CNTN3: variants seen among roughly 807,000 people sequenced by gnomAD.
CNTN3 encodes the protein contactin-3.
A neutral mutation model predicts 119.1 loss-of-function variants in CNTN3; 60 were observed. The observed-to-expected ratio is 0.50, with a 90% CI of 0.41 to 0.62. The LOEUF (loss-of-function observed/expected upper bound fraction) is 0.62, where lower values mean the gene tolerates loss of function less well. Ranked by LOEUF, CNTN3 falls within the 20% of genes least tolerant of loss-of-function variation. CNTN3 has a pLI of 0.00. For synonymous variants in CNTN3, 450 were observed against 438.7 expected (o/e 1.03, Z -0.32); for missense variants, 1,101 against 1,242.4 (o/e 0.89, Z 1.71).
chr3:74,366,853 C>A (rs941754051), intron 8 of CNTN3, among the ~76,000 whole-genome samples: 6 of 134,382 alleles, frequency 4.5e-5, no homozygotes, highest in African/African-American at 1.4e-4. Flanking sequence ...TCACTTCTCT[C>A]TATATTAAAA....
intron 4 of CNTN3, among the ~76,000 whole-genome samples, chr3:74,455,519 C>G (rs531396091): frequency 1.3e-5 from 2 of 152,230 alleles, no homozygotes; most frequent in Non-Finnish European, 1.5e-5. Flanking sequence ...CATTCTCCGT[C>G]CAGCTTTGTT....
chr3:74,509,627 G>A (rs1045765692), intron 2 of CNTN3, among the ~76,000 whole-genome samples: 3 of 152,070 alleles, frequency 2.0e-5, no homozygotes, highest in African/African-American at 7.2e-5. Flanking sequence ...CCTTAATAAT[G>A]GCACAGATTA....
chr3:74,402,872 G>C (rs540650873), intron 5 of CNTN3, among the ~76,000 whole-genome samples: 61 of 152,270 alleles, frequency 4.0e-4, no homozygotes, highest in Middle Eastern at 3.4e-3. Flanking sequence ...GCAAAGATTC[G>C]AGAGTGTACT....
intron 5 of CNTN3, among the ~76,000 whole-genome samples, chr3:74,392,325 C>T (rs1478156666): frequency 1.3e-5 from 2 of 152,124 alleles, no homozygotes; most frequent in Non-Finnish European, 2.9e-5. Flanking sequence ...TCCTCCCTCC[C>T]TTTCCTGTTT....
At chr3:74,487,012 C>G (rs1010959498) in intron 3 of CNTN3, among the ~76,000 whole-genome samples, 2 of 152,140 alleles carry the variant, frequency 1.3e-5, no homozygotes, top group African/African-American at 4.8e-5. Flanking sequence ...GAAAACAGCA[C>G]ATTTCTTTGA....
At chr3:74,446,354 G>C (rs1342886235) in intron 4 of CNTN3, among the ~76,000 whole-genome samples, 1 of 152,176 alleles carries the variant, frequency 6.6e-6, no homozygotes, top group African/African-American at 2.4e-5. Context: ...TATGCAGATA[G>C]GCAAGTCTTT....
intron 2 of CNTN3, among the ~76,000 whole-genome samples, chr3:74,514,798 G>C (rs1466620609): frequency 6.6e-6 from 1 of 152,054 alleles, no homozygotes; most frequent in African/African-American, 2.4e-5. Flanking sequence ...AGTATTGGTT[G>C]ATATTCAAAG....
At position 74,264,269 on chromosome 3, in the gene CNTN3, C is replaced by A. The variant is rs940544415; in HGVS notation, c.*132G>T. On this transcript the variant is annotated 3_prime_UTR_variant, in exon 23 of 23. Transcript: ENST00000263665. The stretch of plus-strand genomic sequence containing the variant: ...GATTTACTGTTTTTTTAATTATATT[C>A]ATATTTACCTATAATGAAGTAGAAA... The A allele has an allele frequency of 1.6e-5, 7 of 438,078 alleles. No homozygotes were observed. In the East Asian group the frequency reaches 2.5e-4, roughly 15 times the overall value. 27.1% of individuals were successfully genotyped at this position (438,078 alleles called of 1,614,324 possible). A position where few individuals can be genotyped will look rare whatever the true frequency, so the allele number is the denominator to read the frequency against.
chr3:74,488,087 T>C (rs1289807666), intron 3 of CNTN3, among the ~76,000 whole-genome samples: 1 of 151,138 alleles, frequency 6.6e-6, no homozygotes, highest in Non-Finnish European at 1.5e-5. Context: ...TAAGTGTATT[T>C]TAAAAGGTAT....
intron 1 of CNTN3, among the ~76,000 whole-genome samples, chr3:74,567,347 A>AG (rs1194998942): frequency 1.6e-5 from 1 of 61,818 alleles, no homozygotes; most frequent in Non-Finnish European, 3.2e-5. Context: ...TTTTGTAGAG[A>AG]GGGGGTCTTA....
At chr3:74,413,792 C>A (rs564889928) in intron 5 of CNTN3, among the ~76,000 whole-genome samples, 31 of 152,232 alleles carry the variant, frequency 2.0e-4, no homozygotes, top group African/African-American at 7.0e-4. Context: ...CAAAGTCCAA[C>A]TTGCTCAATT....
chr3:74,268,786 C>T (rs1210200544), intron 20 of CNTN3, among the ~76,000 whole-genome samples: 1 of 151,982 alleles, frequency 6.6e-6, no homozygotes, highest in African/African-American at 2.4e-5. Context: ...CCAGTGATAC[C>T]CTGTGGCCTG....
At chr3:74,528,246 T>C (rs1465161932) in intron 1 of CNTN3, among the ~76,000 whole-genome samples, 1 of 151,840 alleles carries the variant, frequency 6.6e-6, no homozygotes, top group East Asian at 1.9e-4. Context: ...AATGTACCTT[T>C]CCTAAGTCTA....
intron 4 of CNTN3, among the ~76,000 whole-genome samples, chr3:74,481,152 C>T (rs1702756908): frequency 6.6e-6 from 1 of 151,340 alleles, no homozygotes; most frequent in Admixed American, 6.6e-5. Context: ...AATAGAAATA[C>T]CAGGAGAAAC....
intron 4 of CNTN3, among the ~76,000 whole-genome samples, chr3:74,437,474 A>AT (rs1701888219): frequency 6.6e-6 from 1 of 152,104 alleles, no homozygotes; most frequent in Non-Finnish European, 1.5e-5. Context: ...AAAAATAAAA[A>AT]TAAAAAAAAA....
chr3:74,520,604 TA>T (rs577450677), intron 2 of CNTN3, among the ~76,000 whole-genome samples: 1 of 151,418 alleles, frequency 6.6e-6, no homozygotes, highest in Non-Finnish European at 1.5e-5. Context: ...TTTCCAAAAT[TA>T]AAAAATAAAA....
At chr3:74,297,007 T>C (rs1702351847) in intron 18 of CNTN3, among the ~76,000 whole-genome samples, 1 of 152,076 alleles carries the variant, frequency 6.6e-6, no homozygotes, top group South Asian at 2.1e-4. Flanking sequence ...TCTCAATATC[T>C]GAGACAGGTA....
chr3:74,418,522 A>G (rs560362289), intron 5 of CNTN3, among the ~76,000 whole-genome samples: 1 of 150,898 alleles, frequency 6.6e-6, no homozygotes, highest in Admixed American at 6.6e-5. Flanking sequence ...TTGTATTTTT[A>G]GTGAGACGGG....
chr3:74,467,685 T>C (rs960031489), intron 4 of CNTN3, among the ~76,000 whole-genome samples: 1 of 152,092 alleles, frequency 6.6e-6, no homozygotes, highest in Non-Finnish European at 1.5e-5. Flanking sequence ...AGCCATTTGG[T>C]TTTAACTTTA....
Sources: gnomAD v4.1 joint callset for allele counts (sites outside exome capture counted in the v4.1 genomes callset) on GRCh38, gnomAD v4.1.1 for gene constraint, MANE v1.5 for transcripts, NCBI Gene and HGNC (gene_info 2026-07-23, HGNC 2026-07-21) for gene names.